Variants in NLGN1 observed in about 807,000 individuals in gnomAD.
The protein encoded by NLGN1 is neuroligin 1, also known as neuroligin-1.
NLGN1 carries 12 observed loss-of-function variants against 65.5 expected under a neutral mutation model. The ratio of observed to expected loss-of-function variants is 0.18; its 90% confidence interval spans 0.12 to 0.30. NLGN1 has a LOEUF of 0.30. NLGN1 is among the 10% of genes least tolerant of loss of function. The pLI, the probability that NLGN1 is intolerant of heterozygous loss-of-function variation, is 1.00. For synonymous variants in NLGN1, 350 were observed against 359.5 expected, an observed-to-expected ratio of 0.97 and a Z score of 0.30; for missense variants, 750 against 1,007.1, an observed-to-expected ratio of 0.74 and a Z score of 3.46.
chr3:173,812,135 A>T (rs1010006426), intron 4 of NLGN1, among the ~76,000 whole-genome samples: 4 of 152,196 alleles, frequency 2.6e-5, no homozygotes, highest in African/African-American at 9.6e-5. Flanking sequence ...AAAAGGATCT[A>T]ATTAAATATT....
rs374443580 is a variant in NLGN1 at position 173,478,895 on chromosome 3, T to TG, written c.-321+43817_-321+43818insG. On this transcript the variant is annotated intron_variant, in intron 2 of 6. Coordinates refer to ENST00000457714, the Ensembl canonical transcript of NLGN1. ...AGACAGAGCAAGACCGTGTCTCGAT[T>TG]AAAAAAAAAAAGAAAAAGAAAAAGA... is the stretch of plus-strand genomic sequence containing the variant. 9.2e-3 allele frequency among the ~76,000 whole-genome samples: 1,309 copies of TG among 142,944 alleles called. 22 individuals carry two copies. Among genetic ancestry groups the TG allele is most frequent in the African/African-American group, 0.032 (1,261 of 39,120 alleles). The allele number at this position is 142,944 out of a possible 152,430, so 93.8% of individuals were successfully genotyped here.
In NLGN1 at chr3:174,154,994, A is replaced by ATAAT. The variant is rs1725150155; in HGVS notation, c.647-120319_647-120318insATTA. Among the ~76,000 whole-genome samples, 23 of 135,356 alleles carry ATAAT rather than the reference A, an allele frequency of 1.7e-4. No homozygotes were observed. In the South Asian group the frequency reaches 4.6e-3, roughly 27 times the overall value. The allele number at this position is 135,356 out of a possible 152,430, so 88.8% of individuals were successfully genotyped here. The stretch of plus-strand genomic sequence containing the variant: ...TATATAATATATTATATTATATATT[A>ATAAT]TATATATTTATATATTGATATAAAT... On this transcript the variant is annotated intron_variant, in intron 4 of 6. Coordinates refer to ENST00000457714, the Ensembl canonical transcript of NLGN1.
intron 3 of NLGN1, among the ~76,000 whole-genome samples, chr3:173,790,531 T>C (rs1405737365): frequency 6.6e-6 from 1 of 152,200 alleles, no homozygotes; most frequent in African/African-American, 2.4e-5. Context: ...ATGCAAGTAT[T>C]ATTCTGATTT....
rs533811900 is a variant in NLGN1 at position 173,932,239 on chromosome 3, T to G, written c.646+124407T>G. Among the ~76,000 whole-genome samples the G allele has an allele frequency of 1.1e-3, 164 of 152,302 alleles. 1 individual carries two copies. Among genetic ancestry groups the G allele is most frequent in the Non-Finnish European group, 1.4e-3 (98 of 68,030 alleles). ...TGTCCTGTTTCCACTGTGATCAAGTTAAAAATGGTACTGTTTCAAATTGTC... is the reference window on the plus strand; with the variant it reads ...TGTCCTGTTTCCACTGTGATCAAGTGAAAAATGGTACTGTTTCAAATTGTC... On this transcript the variant is annotated intron_variant, in intron 4 of 6. Coordinates refer to ENST00000457714, the Ensembl canonical transcript of NLGN1.
chr3:174,174,299 C>T (rs1168299514), intron 4 of NLGN1, among the ~76,000 whole-genome samples: 1 of 151,896 alleles, frequency 6.6e-6, no homozygotes, highest in Admixed American at 6.6e-5. Flanking sequence ...GTTCAAGTAT[C>T]TTTTTATATA....
chr3:173,600,062 T>C (rs16828127), intron 2 of NLGN1, among the ~76,000 whole-genome samples: 14,314 of 152,076 alleles, frequency 0.094, 786 homozygotes, highest in South Asian at 0.21. Context: ...ACTTAATGCT[T>C]TAGAACCTCA....
At chr3:173,648,052 T>C (rs1322935701) in intron 3 of NLGN1, among the ~76,000 whole-genome samples, 1 of 151,836 alleles carries the variant, frequency 6.6e-6, no homozygotes, top group East Asian at 1.9e-4. Flanking sequence ...ACAATCTGAG[T>C]TTCAAAGTCA....
At chr3:173,821,120 C>A (rs943071889) in intron 4 of NLGN1, among the ~76,000 whole-genome samples, 1 of 152,076 alleles carries the variant, frequency 6.6e-6, no homozygotes, top group African/African-American at 2.4e-5. Context: ...GAACAAATGA[C>A]ATTTCTCGAC....
intron 4 of NLGN1, among the ~76,000 whole-genome samples, chr3:174,168,426 C>A (rs760670135): frequency 2.0e-5 from 3 of 151,806 alleles, no homozygotes; most frequent in Non-Finnish European, 4.4e-5. Context: ...ATTTTTCTTT[C>A]TCTTTCTATT....
At position 173,782,690 on chromosome 3, in the gene NLGN1, C is replaced by CT. The variant is rs1781355238; in HGVS notation, c.494-24990_494-24989insT. ...AATTTTATTGTGTACTCAAAGCTTA[C>CT]CTTTTTTTTTTTTTCTTTTTGCATT... is the stretch of plus-strand genomic sequence containing the variant. On this transcript the variant is annotated intron_variant, in intron 3 of 6. Transcript: ENST00000457714. Among the ~76,000 whole-genome samples, 4 of 75,022 alleles carry CT rather than the reference C, an allele frequency of 5.3e-5. No homozygotes were observed. The South Asian group carries it at 1.2e-3, about 23-fold the overall frequency. The allele number at this position is 75,022 out of a possible 152,430, so 49.2% of individuals were successfully genotyped here.
In NLGN1 at chr3:174,241,893, C is replaced by T. The variant is rs182867743; in HGVS notation, c.647-33422C>T. Among the ~76,000 whole-genome samples, 18 of 152,190 alleles carry T rather than the reference C, an allele frequency of 1.2e-4. No individual in the cohort carries two copies. In the East Asian group the frequency reaches 2.3e-3, roughly 20 times the overall value. ...CAGGATGGTCTCGATCTCCTGACCT[C>T]GTGATCCGCCCGCCTTGGCCTCCCA... On this transcript the variant is annotated intron_variant, in intron 4 of 6. Transcript: ENST00000457714.
intron 4 of NLGN1, among the ~76,000 whole-genome samples, chr3:174,099,429 T>C (rs1248009653): frequency 3.3e-5 from 5 of 152,328 alleles, no homozygotes; most frequent in East Asian, 3.9e-4. Flanking sequence ...TCAATTTTAG[T>C]TGATATTGCA....
chr3:174,114,395 T>C, intron 4 of NLGN1, among the ~76,000 whole-genome samples: 1 of 152,144 alleles, frequency 6.6e-6, no homozygotes, highest in East Asian at 1.9e-4. Context: ...GTAAAAATGA[T>C]CTCTCTCATT....
chr3:174,228,683 A>T (rs904128651), intron 4 of NLGN1, among the ~76,000 whole-genome samples: 4 of 152,100 alleles, frequency 2.6e-5, no homozygotes, highest in Non-Finnish European at 5.9e-5. Context: ...GTTTTATTTC[A>T]AACTACAGCA....
rs530584492 is a variant in NLGN1, at chr3:173,489,770, T to C, written c.-321+54692T>C. ...TGTTGTTTCCTGACTTTTTAATGAT[T>C]GCCATTCTAACTGGTGTGAGATGGT... On this transcript the variant is annotated intron_variant, in intron 2 of 6. Transcript: ENST00000457714. Among the ~76,000 whole-genome samples, 9 of 151,632 alleles carry C rather than the reference T, an allele frequency of 5.9e-5. 1 individual carries two copies. Among genetic ancestry groups the C allele is most frequent in the African/African-American group, 1.5e-4 (6 of 41,026 alleles).
At chr3:173,671,528 A>G (rs894678877) in intron 3 of NLGN1, among the ~76,000 whole-genome samples, 2 of 152,220 alleles carry the variant, frequency 1.3e-5, no homozygotes, top group Non-Finnish European at 2.9e-5. Flanking sequence ...ATTGGAAGAC[A>G]GAGGATCTTG....
intron 4 of NLGN1, among the ~76,000 whole-genome samples, chr3:173,946,941 C>T (rs1365723645): frequency 6.6e-6 from 1 of 152,164 alleles, no homozygotes; most frequent in African/African-American, 2.4e-5. Flanking sequence ...CCTGGTCCTC[C>T]ACAATGCTTC....
chr3:173,465,253 A>G (rs1024907060), intron 2 of NLGN1, among the ~76,000 whole-genome samples: 2 of 152,204 alleles, frequency 1.3e-5, no homozygotes, highest in African/African-American at 4.8e-5. Flanking sequence ...AAGAGCCAAC[A>G]CTGAAGATGT....
At chr3:173,686,524 T>C (rs576453107) in intron 3 of NLGN1, among the ~76,000 whole-genome samples, 1 of 152,104 alleles carries the variant, frequency 6.6e-6, no homozygotes, top group Non-Finnish European at 1.5e-5. Context: ...TCTGAGGATT[T>C]TTAAGGGTGG....
Sources: allele counts gnomAD v4.1 joint callset (sites outside exome capture counted in the v4.1 genomes callset), GRCh38; gene constraint gnomAD v4.1.1; transcripts MANE v1.5; gene names NCBI Gene and HGNC (gene_info 2026-07-23, HGNC 2026-07-21).